The following FAM168A variants were observed in gnomAD, a reference collection of about 807,000 sequenced individuals.
FAM168A encodes the protein protein FAM168A.
A neutral mutation model predicts 28.5 loss-of-function variants in FAM168A; 3 were observed. That is an observed-to-expected ratio of 0.11 (90% confidence interval 0.05 to 0.27). The LOEUF (loss-of-function observed/expected upper bound fraction) is 0.27. FAM168A is among the 10% of genes least tolerant of loss of function. FAM168A has a pLI of 1.00. For synonymous variants in FAM168A, 122 were observed against 124.2 expected (o/e 0.98, Z 0.12); for missense variants, 222 against 311.5 (o/e 0.71, Z 2.16).
intron 1 of FAM168A, among the ~76,000 whole-genome samples, chr11:73,545,603 C>T (rs1943737282): frequency 6.6e-6 from 1 of 151,076 alleles, no homozygotes; most frequent in Non-Finnish European, 1.5e-5. Flanking sequence ...TGAATTATAT[C>T]TCAGTAAAGC....
chr11:73,460,171 C>T (rs868179566), intron 2 of FAM168A, among the ~76,000 whole-genome samples: 1 of 151,836 alleles, frequency 6.6e-6, no homozygotes, highest in Admixed American at 6.6e-5. Context: ...TGAGCCACCG[C>T]ACCCGGCCTC....
chr11:73,514,480 T>C (rs566287043), intron 1 of FAM168A, among the ~76,000 whole-genome samples: 22 of 152,326 alleles, frequency 1.4e-4, no homozygotes, highest in African/African-American at 4.3e-4. Context: ...ATTGTTTCTC[T>C]AGGGGAGAAA....
intron 1 of FAM168A, among the ~76,000 whole-genome samples, chr11:73,482,884 G>A (rs534560487): frequency 2.6e-5 from 4 of 152,122 alleles, no homozygotes; most frequent in East Asian, 3.9e-4. Flanking sequence ...GATTAAAGGC[G>A]TGAGCCACCA....
At chr11:73,499,518 G>T (rs187978852) in intron 1 of FAM168A, among the ~76,000 whole-genome samples, 1 of 152,146 alleles carries the variant, frequency 6.6e-6, no homozygotes, top group Non-Finnish European at 1.5e-5. Context: ...CTGGACAGAG[G>T]ATCAGATGGA....
intron 1 of FAM168A, among the ~76,000 whole-genome samples, chr11:73,498,481 C>A (rs774300643): frequency 2.6e-5 from 4 of 152,208 alleles, no homozygotes; most frequent in Admixed American, 6.5e-5. Flanking sequence ...TAGCTGGAAT[C>A]TGCTTAAGCC....
intron 2 of FAM168A, among the ~76,000 whole-genome samples, chr11:73,450,197 T>C (rs957547113): frequency 1.3e-5 from 2 of 152,208 alleles, no homozygotes; most frequent in Non-Finnish European, 2.9e-5. Flanking sequence ...AGCTGACACA[T>C]GTGTGACATT....
intron 1 of FAM168A, among the ~76,000 whole-genome samples, chr11:73,559,989 T>C (rs1943939038): frequency 6.6e-6 from 1 of 152,196 alleles, no homozygotes; most frequent in South Asian, 2.1e-4. Flanking sequence ...GTACCACTAC[T>C]GCAGCATTAA....
intron 2 of FAM168A, among the ~76,000 whole-genome samples, chr11:73,439,458 A>C (rs1216525920): frequency 2.0e-5 from 3 of 152,228 alleles, no homozygotes; most frequent in Non-Finnish European, 4.4e-5. Context: ...GATCAGCCTT[A>C]ACTTCCTATG....
At position 73,457,723 on chromosome 11, in the gene FAM168A, CAAAAAAAAAAAAAAAAA is replaced by C. The variant is rs58142151; in HGVS notation, c.70+10665_70+10681del. Among the ~76,000 whole-genome samples, 12 of 37,542 alleles carry C rather than the reference CAAAAAAAAAAAAAAAAA, an allele frequency of 3.2e-4. 1 individual carries two copies. The highest frequency in any genetic ancestry group is 2.5e-3 in the Admixed American group (5 of 2,006). 24.6% of individuals were successfully genotyped at this position (37,542 alleles called of 152,430 possible). A position where few individuals can be genotyped will look rare whatever the true frequency, so the allele number is the denominator to read the frequency against. ...TGCTACGGTACTCTAGCCTGGGTGA[CAAAAAAAAAAAAAAAAA>C]AAAAAAAAAAGAAAAGAAAAGAAAG... On this transcript the variant is annotated intron_variant, in intron 2 of 7. Transcript: ENST00000356467.
rs368278426 is a variant in FAM168A, at chr11:73,557,964, T to TA, written c.-19+39958dup. On this transcript the variant is annotated intron_variant, in intron 1 of 7. Transcript: ENST00000356467. ...AACAAATGGTGCTTGGACAACTGAATATCTACAGGCAGAAGAATGAAGCTG... is the reference window on the plus strand; with the variant it reads ...AACAAATGGTGCTTGGACAACTGAATAATCTACAGGCAGAAGAATGAAGCTG... Among the ~76,000 whole-genome samples, 202 of 152,192 alleles carry TA rather than the reference T, an allele frequency of 1.3e-3. 1 individual carries two copies. The highest frequency in any genetic ancestry group is 4.6e-3 in the African/African-American group (191 of 41,498).
At chr11:73,528,291 A>G (rs993914825) in intron 1 of FAM168A, among the ~76,000 whole-genome samples, 2 of 152,174 alleles carry the variant, frequency 1.3e-5, no homozygotes, top group Non-Finnish European at 2.9e-5. Flanking sequence ...AGGCATTCCT[A>G]GCCTCCAGAT....
intron 2 of FAM168A, 40 bp downstream of exon 2, chr11:73,468,365 C>T (rs759911621): frequency 6.3e-7 from 1 of 1,589,664 alleles, no homozygotes; most frequent in South Asian, 1.1e-5. Context: ...TATCCTTAAC[C>T]ACCATTTCTC....
chr11:73,580,165 G>C (rs969818008), intron 1 of FAM168A: 1 of 381,492 alleles, frequency 2.6e-6, no homozygotes, highest in African/African-American at 2.1e-5. Flanking sequence ...GAAGAGGTGA[G>C]AACGACCCCC....
chr11:73,472,839 T>C (rs1405664644), intron 1 of FAM168A, among the ~76,000 whole-genome samples: 1 of 152,196 alleles, frequency 6.6e-6, no homozygotes, highest in African/African-American at 2.4e-5. Flanking sequence ...TGCCATTTAC[T>C]GGTGAGAACT....
At chr11:73,437,498 G>A (rs919827789) in intron 2 of FAM168A, among the ~76,000 whole-genome samples, 5 of 142,296 alleles carry the variant, frequency 3.5e-5, no homozygotes, top group Admixed American at 2.2e-4. Flanking sequence ...CTGCCTCCTC[G>A]GTTCAAGCAA....
chr11:73,471,446 C>A (rs1012723434), intron 1 of FAM168A, among the ~76,000 whole-genome samples: 1 of 152,146 alleles, frequency 6.6e-6, no homozygotes, highest in Non-Finnish European at 1.5e-5. Context: ...GTTCTATGAG[C>A]CCCTGAAAAA....
intron 1 of FAM168A, among the ~76,000 whole-genome samples, chr11:73,560,664 C>T (rs965161896): frequency 6.6e-6 from 1 of 152,192 alleles, no homozygotes; most frequent in Non-Finnish European, 1.5e-5. Context: ...AGTGATAATA[C>T]TAAATGCCGA....
chr11:73,590,287 C>T (rs1266391833), intron 1 of FAM168A, among the ~76,000 whole-genome samples: 1 of 152,006 alleles, frequency 6.6e-6, no homozygotes, highest in Non-Finnish European at 1.5e-5. Flanking sequence ...CCTGTAGTCC[C>T]AGCTACTTAG....
At chr11:73,562,825 C>CA (rs68152620) in intron 1 of FAM168A, among the ~76,000 whole-genome samples, 11,396 of 151,386 alleles carry the variant, frequency 0.075, 555 homozygotes, top group Admixed American at 0.11. Context: ...GACTCTGTCT[C>CA]AAAAAAAAGA....
Sources: allele counts gnomAD v4.1 joint callset (sites outside exome capture counted in the v4.1 genomes callset), GRCh38; gene constraint gnomAD v4.1.1; transcripts MANE v1.5; gene names NCBI Gene and HGNC (gene_info 2026-07-23, HGNC 2026-07-21).